Variants in GTF2I observed in about 807,000 individuals in gnomAD.
GTF2I encodes general transcription factor IIi.
Under a neutral mutation model 67.6 loss-of-function variants are expected in GTF2I, and 12 were observed. The ratio of observed to expected loss-of-function variants is 0.18; its 90% confidence interval spans 0.11 to 0.29. The LOEUF (loss-of-function observed/expected upper bound fraction) is 0.29. Ranked by LOEUF, GTF2I falls within the 10% of genes least tolerant of loss-of-function variation. The probability of loss-of-function intolerance (pLI) is 1.00; values close to 1 mark genes in which losing one functional copy is unlikely to be tolerated. For missense variants in GTF2I, 271 were observed against 580.1 expected, an observed-to-expected ratio of 0.47 and a Z score of 5.47; for synonymous variants, 149 against 197.0, an observed-to-expected ratio of 0.76 and a Z score of 2.04.
In GTF2I at chr7:74,657,801, C is replaced by G. The variant is rs1477262619; in HGVS notation, c.-273C>G. 2 of 152,316 alleles carry G rather than the reference C, an allele frequency of 1.3e-5. No homozygotes were observed. The highest frequency in any genetic ancestry group is 4.8e-5 in the African/African-American group (2 of 41,392). The allele number at this position is 152,316 out of a possible 1,614,324, so 9.4% of individuals were successfully genotyped here. ...CACGCGCTCTCCAGCCGCGGCCGCCCGCCTGCCGCGGTCACCCCGGCCTCT... is the reference window on the plus strand; with the variant it reads ...CACGCGCTCTCCAGCCGCGGCCGCCGGCCTGCCGCGGTCACCCCGGCCTCT... On this transcript the variant is annotated 5_prime_UTR_variant, in exon 1 of 35. Coordinates refer to ENST00000573035, the MANE Select transcript of GTF2I (RefSeq NM_032999.4).
At chr7:74,670,837 A>C (rs1805389430) in intron 1 of GTF2I, among the ~76,000 whole-genome samples, 1 of 152,074 alleles carries the variant, frequency 6.6e-6, no homozygotes, top group Admixed American at 6.6e-5. Context: ...AGTCATGTCA[A>C]AGGGACACAT....
At chr7:74,668,690 C>T (rs587728161) in intron 1 of GTF2I, among the ~76,000 whole-genome samples, 5 of 152,070 alleles carry the variant, frequency 3.3e-5, no homozygotes, top group African/African-American at 1.2e-4. Context: ...TCTCCTGCCT[C>T]AGCCACCTGA....
chr7:74,687,690 T>G (rs1225883863), intron 1 of GTF2I: 1 of 364,912 alleles, frequency 2.7e-6, no homozygotes, highest in Non-Finnish European at 3.8e-6. Flanking sequence ...GGAAAAGATT[T>G]ACTGACATTT....
chr7:74,702,514 G>A (rs1408966991), intron 6 of GTF2I, among the ~76,000 whole-genome samples: 1 of 152,048 alleles, frequency 6.6e-6, no homozygotes, highest in Non-Finnish European at 1.5e-5. Context: ...GAGCCATCGC[G>A]CCCTGCTACA....
intron 6 of GTF2I, among the ~76,000 whole-genome samples, chr7:74,704,935 C>T (rs1021472876): frequency 1.6e-4 from 24 of 146,108 alleles, no homozygotes; most frequent in African/African-American, 6.0e-4. Context: ...CATATTCCAT[C>T]TTACTAGACA....
At chr7:74,718,971 G>A (rs1792597402) in intron 12 of GTF2I, 30 bp downstream of exon 12, 4 of 1,165,482 alleles carry the variant, frequency 3.4e-6, no homozygotes, top group Non-Finnish European at 3.7e-6. Context: ...TGATTCCAAA[G>A]TTTACTTCTG....
intron 3 of GTF2I, among the ~76,000 whole-genome samples, chr7:74,698,548 G>T (rs1554398982): frequency 2.0e-5 from 3 of 151,866 alleles, no homozygotes; most frequent in African/African-American, 7.3e-5. Context: ...CAGACAGCTA[G>T]GACTGCAGAC....
intron 8 of GTF2I, among the ~76,000 whole-genome samples, chr7:74,707,985 T>C (rs1171973350): frequency 6.6e-6 from 1 of 152,032 alleles, no homozygotes; most frequent in Non-Finnish European, 1.5e-5. Context: ...ATATCAGTTA[T>C]TGGAACAGAG....
chr7:74,677,451 T>C (rs781842717), intron 1 of GTF2I, among the ~76,000 whole-genome samples: 1 of 152,104 alleles, frequency 6.6e-6, no homozygotes, highest in Non-Finnish European at 1.5e-5. Flanking sequence ...TTCAAGAATA[T>C]GATGATGCCA....
Position 74,669,632 on chromosome 7 carries a change from C to T in GTF2I, c.-6+11564C>T, listed in dbSNP as rs1805287868. On this transcript the variant is annotated intron_variant, in intron 1 of 34. Transcript: ENST00000573035. ...CTCACTGAAACCTCCGCCTCCTGTT[C>T]AAGCTCTTCTCGTGCCTCAGCTTCC... Among the ~76,000 whole-genome samples the T allele has an allele frequency of 2.0e-5, 3 of 151,866 alleles. No individual in the cohort carries two copies. The South Asian group carries it at 6.2e-4, about 32-fold the overall frequency.
chr7:74,675,359 T>G (rs1409688172), intron 1 of GTF2I, among the ~76,000 whole-genome samples: 1 of 152,126 alleles, frequency 6.6e-6, no homozygotes, highest in Non-Finnish European at 1.5e-5. Flanking sequence ...GGTGTTTGTC[T>G]GTCTGGAGAC....
At chr7:74,674,280 G>A (rs587653883) in intron 1 of GTF2I, among the ~76,000 whole-genome samples, 33 of 151,968 alleles carry the variant, frequency 2.2e-4, no homozygotes, top group Middle Eastern at 6.8e-3. Flanking sequence ...TTGCCAAGCT[G>A]GTGTCGAACT....
intron 1 of GTF2I, among the ~76,000 whole-genome samples, chr7:74,661,447 A>G (rs1483107562): frequency 6.6e-6 from 1 of 152,122 alleles, no homozygotes; most frequent in African/African-American, 2.4e-5. Context: ...TGGGAGGCCG[A>G]GGGAGGTGGA....
At chr7:74,706,334 T>A in intron 7 of GTF2I, 56 bp from the exon 8 acceptor site, 1 of 1,455,764 alleles carries the variant, frequency 6.9e-7, no homozygotes, top group Non-Finnish European at 9.6e-7. Flanking sequence ...CTTTGAATGC[T>A]GTGGGAATGG....
chr7:74,722,502 G>C (rs1431205146), intron 12 of GTF2I, among the ~76,000 whole-genome samples: 1 of 152,130 alleles, frequency 6.6e-6, no homozygotes, highest in Non-Finnish European at 1.5e-5. Flanking sequence ...TTCTTGCGCA[G>C]TTCTCTCTTA....
chr7:74,678,911 C>T (rs1554393247), intron 1 of GTF2I, among the ~76,000 whole-genome samples: 1 of 140,424 alleles, frequency 7.1e-6, no homozygotes, highest in Admixed American at 7.2e-5. Flanking sequence ...AGCTGGGAAT[C>T]CAGGTGTGCG....
At chr7:74,668,863 TGCCTG>T in intron 1 of GTF2I, among the ~76,000 whole-genome samples, 1 of 152,088 alleles carries the variant, frequency 6.6e-6, no homozygotes, top group Admixed American at 6.6e-5. Flanking sequence ...TGAGCCACCG[TGCCTG>T]GCTAAGAAGG....
At chr7:74,700,896 T>C (rs1789638089) in intron 6 of GTF2I, among the ~76,000 whole-genome samples, 1 of 152,232 alleles carries the variant, frequency 6.6e-6, no homozygotes, top group Non-Finnish European at 1.5e-5. Flanking sequence ...TGAGTAGGAT[T>C]TAATTGACCT....
chr7:74,663,041 A>C (rs962399524), intron 1 of GTF2I, among the ~76,000 whole-genome samples: 1 of 152,132 alleles, frequency 6.6e-6, no homozygotes, highest in Non-Finnish European at 1.5e-5. Context: ...AAAGGAGCTG[A>C]ACACTGAACA....
Sources: allele counts gnomAD v4.1 joint callset (sites outside exome capture counted in the v4.1 genomes callset), GRCh38; gene constraint gnomAD v4.1.1; transcripts MANE v1.5; gene names NCBI Gene and HGNC (gene_info 2026-07-23, HGNC 2026-07-21).